EIF5B: variants seen among roughly 807,000 people sequenced by gnomAD.
The protein encoded by EIF5B is eukaryotic translation initiation factor 5B, also known as eIF-5B.
EIF5B carries 47 observed loss-of-function variants against 147.5 expected under a neutral mutation model. The ratio of observed to expected loss-of-function variants is 0.32; its 90% CI spans 0.25 to 0.41. EIF5B has a LOEUF of 0.41. Ranked by LOEUF, EIF5B falls within the 10% of genes least tolerant of loss-of-function variation. The pLI is 1.00. For synonymous variants in EIF5B, 455 were observed against 456.2 expected (o/e 1.00, Z 0.03); for missense variants, 1,064 against 1,413.2 (o/e 0.75, Z 3.96).
intron 14 of EIF5B, 120 bp downstream of exon 14, chr2:99,383,041 T>C: frequency 9.1e-7 from 1 of 1,104,972 alleles, no homozygotes; most frequent in Non-Finnish European, 1.2e-6. Flanking sequence ...CACTATATTG[T>C]GCTTCACAGA....
intron 1 of EIF5B, among the ~76,000 whole-genome samples, chr2:99,339,274 A>T (rs1208924572): frequency 6.6e-6 from 1 of 151,782 alleles, no homozygotes; most frequent in Non-Finnish European, 1.5e-5. Context: ...CGGCCTCCCA[A>T]AGTGCTGGGA....
chr2:99,395,959 G>T (rs967394274), intron 21 of EIF5B, among the ~76,000 whole-genome samples: 1 of 152,178 alleles, frequency 6.6e-6, no homozygotes, highest in Non-Finnish European at 1.5e-5. Context: ...TGCCAAGGCT[G>T]TGTGTTCACA....
intron 1 of EIF5B, among the ~76,000 whole-genome samples, chr2:99,353,408 C>G (rs1410833416): frequency 1.3e-5 from 2 of 152,090 alleles, no homozygotes; most frequent in African/African-American, 4.8e-5. Flanking sequence ...ATCCACCCAC[C>G]TCGGCTTCCC....
chr2:99,378,372 G>A (rs1476308395), intron 10 of EIF5B, among the ~76,000 whole-genome samples: 1 of 152,182 alleles, frequency 6.6e-6, no homozygotes, highest in Non-Finnish European at 1.5e-5. Flanking sequence ...GAAAGCTGAA[G>A]CATTTAGGTA....
At chr2:99,396,969 C>T (rs923231913) in intron 22 of EIF5B, 71 bp downstream of exon 22, 3 of 1,516,862 alleles carry the variant, frequency 2.0e-6, no homozygotes, top group African/African-American at 2.8e-5. Context: ...GTCGTACCAA[C>T]ACAGCTTTGT....
chr2:99,359,215 A>G (rs1206619715), intron 1 of EIF5B, among the ~76,000 whole-genome samples: 1 of 151,322 alleles, frequency 6.6e-6, no homozygotes, highest in Non-Finnish European at 1.5e-5. Flanking sequence ...ACAAAAAAAA[A>G]AAAATGAACC....
intron 16 of EIF5B, 40 bp downstream of exon 16, chr2:99,390,441 T>TTTTA: frequency 5.1e-6 from 8 of 1,554,002 alleles, no homozygotes; most frequent in South Asian, 2.4e-5. Flanking sequence ...TTTTTTTTTT[T>TTTTA]AAAAATAGCA....
intron 14 of EIF5B, among the ~76,000 whole-genome samples, chr2:99,383,921 A>G (rs888627116): frequency 1.2e-4 from 19 of 152,170 alleles, no homozygotes; most frequent in Non-Finnish European, 1.5e-5. Flanking sequence ...GTGCTCATTG[A>G]CCATTCTGAA....
At chr2:99,381,053 G>A (rs1277592814) in intron 12 of EIF5B, among the ~76,000 whole-genome samples, 2 of 152,032 alleles carry the variant, frequency 1.3e-5, no homozygotes, top group Admixed American at 6.6e-5. Context: ...TCTTGATGTC[G>A]CTTCTGAGTT....
At chr2:99,346,108 A>G (rs1377725369) in intron 1 of EIF5B, among the ~76,000 whole-genome samples, 1 of 152,172 alleles carries the variant, frequency 6.6e-6, no homozygotes, top group Non-Finnish European at 1.5e-5. Context: ...GAGATTTCAC[A>G]TTTGCCTCTT....
chr2:99,385,038 C>T (rs1674771598), intron 14 of EIF5B, among the ~76,000 whole-genome samples: 1 of 152,066 alleles, frequency 6.6e-6, no homozygotes, highest in Non-Finnish European at 1.5e-5. Flanking sequence ...GCATTACATG[C>T]TACAGATAAA....
intron 6 of EIF5B, among the ~76,000 whole-genome samples, chr2:99,366,653 T>A (rs987445687): frequency 1.3e-5 from 2 of 152,214 alleles, no homozygotes; most frequent in Admixed American, 6.5e-5. Flanking sequence ...AGTGAGAGAC[T>A]GAGTCAGTAA....
At chr2:99,378,892 T>C in intron 10 of EIF5B, 127 bp from the exon 11 acceptor site, 2 of 642,812 alleles carry the variant, frequency 3.1e-6, no homozygotes, top group Non-Finnish European at 5.0e-6. Flanking sequence ...CAATTATGTG[T>C]AGTCAAATCA....
rs1675321078 is a variant in EIF5B at position 99,401,063 on chromosome 2, A to G, written c.*1649A>G. 1 of 449,186 alleles carries G rather than the reference A, an allele frequency of 2.2e-6. No individual in the cohort carries two copies. The highest frequency in any genetic ancestry group is 1.9e-5 in the African/African-American group (1 of 51,546). The allele number at this position is 449,186 out of a possible 1,614,324, so 27.8% of individuals were successfully genotyped here. A position where few individuals can be genotyped will look rare whatever the true frequency, so the allele number is the denominator to read the frequency against. On this transcript the variant is annotated 3_prime_UTR_variant, in exon 24 of 24. Coordinates refer to ENST00000289371, the MANE Select transcript of EIF5B (RefSeq NM_015904.4). ...ATGCTACAGTAAAATAATTAACACA[A>G]TTATTTACATGCAATACTGACAAAT...
At chr2:99,363,192 A>G (rs1269003040) in intron 4 of EIF5B, among the ~76,000 whole-genome samples, 1 of 152,188 alleles carries the variant, frequency 6.6e-6, no homozygotes, top group Non-Finnish European at 1.5e-5. Context: ...TATCCTACTA[A>G]TACCCCCTAA....
At chr2:99,371,525 G>T in intron 8 of EIF5B, 131 bp from the exon 9 acceptor site, 1 of 639,130 alleles carries the variant, frequency 1.6e-6, no homozygotes, top group East Asian at 3.0e-5. Context: ...AAAGATAATA[G>T]CTGCATACAT....
intron 1 of EIF5B, among the ~76,000 whole-genome samples, chr2:99,345,673 G>A (rs986206003): frequency 4.6e-5 from 7 of 151,916 alleles, no homozygotes; most frequent in East Asian, 3.9e-4. Flanking sequence ...GGCGGGGTGC[G>A]GTGGCTCATG....
chr2:99,395,896 A>T (rs895657703), intron 21 of EIF5B, among the ~76,000 whole-genome samples: 6 of 152,140 alleles, frequency 3.9e-5, no homozygotes, highest in African/African-American at 1.4e-4. Flanking sequence ...ATCGTCAAGG[A>T]TCTTACAGGC....
chr2:99,361,248 T>C lies in EIF5B; in HGVS notation c.347T>C (p.Leu116Ser), dbSNP rs1437394268. The C allele has an allele frequency of 6.2e-7, 1 of 1,612,144 alleles. No homozygotes were observed. Among genetic ancestry groups the C allele is most frequent in the African/African-American group, 1.3e-5 (1 of 74,776 alleles). ...QSFDDNDSEE[L>S]EDKDSKSKKT... ...TTTGATGATAATGATAGCGAAGAAT[T>C]GGAAGATAAAGATTCAAAATCAAAA... is the stretch of plus-strand genomic sequence containing the variant. The change falls in exon 4 of 24, where the codon TTG (leucine) becomes TCG (serine). Residue 116 changes from leucine to serine, a missense_variant. Coordinates refer to ENST00000289371, the MANE Select transcript of EIF5B (RefSeq NM_015904.4).
Sources: gnomAD v4.1 joint callset for allele counts (sites outside exome capture counted in the v4.1 genomes callset) on GRCh38, gnomAD v4.1.1 for gene constraint, MANE v1.5 for transcripts, NCBI Gene and HGNC (gene_info 2026-07-23, HGNC 2026-07-21) for gene names.